CREBBP: variants seen among roughly 807,000 people sequenced by gnomAD.
The protein encoded by CREBBP is CREB binding lysine acetyltransferase.
In CREBBP, 19 loss-of-function variants were observed where a neutral mutation model predicts 265.0. That is an observed-to-expected ratio of 0.07 (90% confidence interval 0.05 to 0.11). The LOEUF (loss-of-function observed/expected upper bound fraction) is 0.11. Among genes scored for constraint, CREBBP ranks in the 10% least tolerant of loss-of-function variants. The pLI is 1.00. For synonymous variants in CREBBP, 1,457 were observed against 1,223.7 expected, an observed-to-expected ratio of 1.19 and a Z score of -3.98; for missense variants, 2,525 against 3,219.0, an observed-to-expected ratio of 0.78 and a Z score of 5.22.
At chr16:3,858,085 T>C (rs1413666850) in intron 1 of CREBBP, among the ~76,000 whole-genome samples, 2 of 152,168 alleles carry the variant, frequency 1.3e-5, no homozygotes, top group Admixed American at 1.3e-4. Context: ...TAGGTGGGGA[T>C]CACTCCTAAA....
At position 3,731,908 on chromosome 16, in the gene CREBBP, C is replaced by G; in HGVS notation, c.4758G>C (p.Lys1586Asn). 1 of 1,614,246 alleles carries G rather than the reference C, an allele frequency of 6.2e-7. No homozygotes were observed. Among genetic ancestry groups the G allele is most frequent in the East Asian group, 2.2e-5 (1 of 44,878 alleles). The change falls in exon 29 of 31, where the codon AAG becomes AAC. Residue 1586 changes from lysine (K) to asparagine (N), a missense_variant. Physicochemically the swap from Lys to Asn is moderately conservative, Grantham distance 94. Coordinates refer to ENST00000262367, the MANE Select transcript of CREBBP (RefSeq NM_004380.3). The surrounding 1 kb of genome is among the most constrained non-coding windows in gnomAD (Gnocchi z 7.7). ...EGSQGDSKNA[K>N]KKNNKKTNKN... ...TGTTGGTTTTCTTGTTGTTCTTCTT[C>G]TTGGCATTCTTGCTGTCGCCCTGAC...
At chr16:3,752,096 T>C (rs370283215) in intron 19 of CREBBP, among the ~76,000 whole-genome samples, 5 of 152,096 alleles carry the variant, frequency 3.3e-5, no homozygotes, top group East Asian at 1.9e-4. Context: ...TTCGGTCTCA[T>C]TGCACACATC....
chr16:3,814,362 C>G (rs2053998521), intron 2 of CREBBP, among the ~76,000 whole-genome samples: 1 of 152,012 alleles, frequency 6.6e-6, no homozygotes, highest in African/African-American at 2.4e-5. Context: ...TCAAGCAATT[C>G]TCGTGTCTCA....
rs71133663 is a variant in CREBBP at position 3,876,399 on chromosome 16, C to CAAAAAAAAAAAAAAAAA, written c.85+3416_85+3432dup. ...GTGCAAATTTTGCAATAAAGCTGAC[C>CAAAAAAAAAAAAAAAAA]AAAAAAAAAAAAAAAAAAAAAAAAA... On this transcript the variant is annotated intron_variant, in intron 1 of 30. Coordinates refer to ENST00000262367, the MANE Select transcript of CREBBP (RefSeq NM_004380.3). 1.1e-4 allele frequency among the ~76,000 whole-genome samples: 2 copies of CAAAAAAAAAAAAAAAAA among 18,156 alleles called. 1 individual carries two copies. The highest frequency in any genetic ancestry group is 3.7e-4 in the African/African-American group (2 of 5,458). The allele number at this position is 18,156 out of a possible 152,430, so 11.9% of individuals were successfully genotyped here.
At chr16:3,782,084 G>A (rs941178586) in intron 6 of CREBBP, among the ~76,000 whole-genome samples, 10 of 152,246 alleles carry the variant, frequency 6.6e-5, no homozygotes, top group Admixed American at 5.9e-4. Context: ...TAAAGGGACT[G>A]TGTCCACTTA....
chr16:3,762,405 C>A (rs1231758728), intron 16 of CREBBP, among the ~76,000 whole-genome samples: 3 of 148,232 alleles, frequency 2.0e-5, no homozygotes, highest in Non-Finnish European at 4.5e-5. Context: ...GCGCTGTCAC[C>A]CAGGCTGGAG....
At chr16:3,741,494 G>A (rs1028124989) in intron 23 of CREBBP, 1 of 152,166 alleles carries the variant, frequency 6.6e-6, no homozygotes, top group Non-Finnish European at 1.5e-5. Context: ...AGTTGTACCT[G>A]AATAAAAATG....
intron 12 of CREBBP, 76 bp from the exon 13 acceptor site, chr16:3,774,006 T>C: frequency 1.3e-6 from 2 of 1,521,992 alleles, no homozygotes; most frequent in Non-Finnish European, 1.8e-6. Context: ...GCCAGAATGA[T>C]CCAAGGCTTC....
intron 2 of CREBBP, among the ~76,000 whole-genome samples, chr16:3,826,893 A>G (rs1016172595): frequency 6.6e-6 from 1 of 152,228 alleles, no homozygotes; most frequent in Non-Finnish European, 1.5e-5. Context: ...AACACAACAC[A>G]GGAAAGGTAA....
rs189310363 is a variant in CREBBP at position 3,828,280 on chromosome 16, T to C, written c.799-17501A>G. 8.3e-3 allele frequency among the ~76,000 whole-genome samples: 1,265 copies of C among 152,254 alleles called. 7 individuals are homozygous for C. Among genetic ancestry groups the C allele is most frequent in the Non-Finnish European group, 0.015 (999 of 68,008 alleles). On this transcript the variant is annotated intron_variant, in intron 2 of 30. Transcript: ENST00000262367. Reference sequence around the variant, plus strand: ...GCTAATTTTGTATTTTGAGTAGAGATGAGGTTTCTCCATGTTGGTCAGGCT... The same window carrying C: ...GCTAATTTTGTATTTTGAGTAGAGACGAGGTTTCTCCATGTTGGTCAGGCT...
intron 1 of CREBBP, among the ~76,000 whole-genome samples, chr16:3,876,615 T>C (rs2055408763): frequency 6.6e-6 from 1 of 151,996 alleles, no homozygotes; most frequent in Non-Finnish European, 1.5e-5. Context: ...ATTGTAAGGG[T>C]GCCAAGTAAA....
chr16:3,877,296 GTATT>G (rs1230392524), intron 1 of CREBBP, among the ~76,000 whole-genome samples: 3 of 152,178 alleles, frequency 2.0e-5, no homozygotes, highest in Non-Finnish European at 4.4e-5. Context: ...GTTTTTGAAT[GTATT>G]TAATGTAAAA....
At chr16:3,789,220 G>T (rs1696731179) in intron 5 of CREBBP, among the ~76,000 whole-genome samples, 1 of 152,162 alleles carries the variant, frequency 6.6e-6, no homozygotes, top group Non-Finnish European at 1.5e-5. Context: ...AGCGAGCACA[G>T]GTGGGTCTCG....
chr16:3,849,422 T>TGTGTGTG (rs1567360014), intron 2 of CREBBP, among the ~76,000 whole-genome samples: 3 of 7,078 alleles, frequency 4.2e-4, no homozygotes, highest in Non-Finnish European at 2.3e-3. Flanking sequence ...TGTGTGTGTG[T>TGTGTGTG]GTGTGTGTGT....
chr16:3,824,032 G>C (rs1262058140), intron 2 of CREBBP, among the ~76,000 whole-genome samples: 2 of 152,194 alleles, frequency 1.3e-5, no homozygotes, highest in Non-Finnish European at 2.9e-5. Context: ...TCTTTCAGGA[G>C]GGAGGTACTG....
intron 13 of CREBBP, 50 bp from the exon 14 acceptor site, chr16:3,771,036 T>C: frequency 6.2e-7 from 1 of 1,604,456 alleles, no homozygotes; most frequent in Non-Finnish European, 8.5e-7. Flanking sequence ...CGTTTGAAAA[T>C]GTGATGAAAC....
chr16:3,759,036 T>C (rs1596856689), intron 16 of CREBBP, 64 bp from the exon 17 acceptor site: 1 of 1,267,422 alleles, frequency 7.9e-7, no homozygotes. Flanking sequence ...CTACCTCACA[T>C]TTAAAACGGA....
intron 2 of CREBBP, chr16:3,813,022 T>G (rs950259259): frequency 4.4e-6 from 1 of 224,880 alleles, no homozygotes; most frequent in Non-Finnish European, 8.9e-6. Flanking sequence ...GTAAGATGAG[T>G]GTCTTGAACA....
chr16:3,833,092 G>A (rs938284785), intron 2 of CREBBP, among the ~76,000 whole-genome samples: 2 of 152,290 alleles, frequency 1.3e-5, no homozygotes, highest in South Asian at 4.1e-4. Flanking sequence ...AATAAGACAA[G>A]GGAAGAACAC....
Sources: gnomAD v4.1 joint callset for allele counts (sites outside exome capture counted in the v4.1 genomes callset) on GRCh38, gnomAD v4.1.1 for gene constraint, Gnocchi (gnomAD v3.1) non-coding constraint, MANE v1.5 for transcripts, NCBI Gene and HGNC (gene_info 2026-07-23, HGNC 2026-07-21) for gene names.